Variants in TMOD3 observed in about 807,000 individuals in gnomAD.
The protein encoded by TMOD3 is tropomodulin-3.
In TMOD3, 20 loss-of-function variants were observed where a neutral mutation model predicts 39.2. The ratio of observed to expected loss-of-function variants is 0.51; its 90% confidence interval spans 0.36 to 0.74. The LOEUF (loss-of-function observed/expected upper bound fraction) is 0.74, where lower values mean the gene tolerates loss of function less well. TMOD3 is among the 30% of genes least tolerant of loss of function. The pLI is 0.00. For missense variants in TMOD3, 381 were observed against 412.8 expected (o/e 0.92, Z 0.67); for synonymous variants, 143 against 145.8 (o/e 0.98, Z 0.14).
intron 3 of TMOD3, among the ~76,000 whole-genome samples, chr15:51,880,125 A>T (rs895257406): frequency 6.6e-6 from 1 of 152,180 alleles, no homozygotes. Context: ...TTATTCCAGC[A>T]GTTTGCTAGT....
At chr15:51,845,513 TTGGGAGGCTGAGG>T (rs1178343706) in intron 1 of TMOD3, among the ~76,000 whole-genome samples, 1 of 152,124 alleles carries the variant, frequency 6.6e-6, no homozygotes, top group East Asian at 1.9e-4. Context: ...ATTCCGTACT[TTGGGAGGCTGAGG>T]TGGGAACATC....
chr15:51,871,040 C>CA lies in TMOD3; in HGVS notation c.283+1676dup, dbSNP rs543428130. Among the ~76,000 whole-genome samples, 227 of 149,262 alleles carry CA rather than the reference C, an allele frequency of 1.5e-3. 10 individuals carry two copies. Among genetic ancestry groups the CA allele is most frequent in the East Asian group, 0.01 (52 of 5,120 alleles). On this transcript the variant is annotated intron_variant, in intron 3 of 9. Coordinates refer to ENST00000308580, the MANE Select transcript of TMOD3 (RefSeq NM_014547.5). ...TGCTGATTTAAATTTTAATCTCATC[C>CA]AAAAAAAAAGCAAAAAACAAAAAAC... is the stretch of plus-strand genomic sequence containing the variant.
intron 1 of TMOD3, among the ~76,000 whole-genome samples, chr15:51,832,203 T>TTTTATATATATATATA (rs371264278): frequency 2.5e-5 from 2 of 79,350 alleles, no homozygotes; most frequent in East Asian, 3.4e-4. Flanking sequence ...AGAAAAAAAA[T>TTTTATATATATATATA]TATATATATA....
At chr15:51,851,322 G>A (rs1207113499) in intron 1 of TMOD3, among the ~76,000 whole-genome samples, 1 of 152,108 alleles carries the variant, frequency 6.6e-6, no homozygotes, top group African/African-American at 2.4e-5. Flanking sequence ...ATAAGAAACA[G>A]CAATTGTGTA....
intron 1 of TMOD3, among the ~76,000 whole-genome samples, chr15:51,847,219 A>G (rs115218511): frequency 6.6e-6 from 1 of 152,200 alleles, no homozygotes; most frequent in Non-Finnish European, 1.5e-5. Context: ...GCTACTTTCT[A>G]CTTTAAGGTA....
intron 3 of TMOD3, among the ~76,000 whole-genome samples, chr15:51,877,889 G>A (rs2056512859): frequency 6.6e-6 from 1 of 152,038 alleles, no homozygotes; most frequent in African/African-American, 2.4e-5. Flanking sequence ...TAAGCTTTCA[G>A]AAGTTTTTTT....
chr15:51,876,113 G>C (rs1184007406), intron 3 of TMOD3, among the ~76,000 whole-genome samples: 1 of 152,000 alleles, frequency 6.6e-6, no homozygotes, highest in Admixed American at 6.6e-5. Context: ...ATTTTGATTA[G>C]ATGTCATGGT....
At chr15:51,845,259 C>T (rs561709431) in intron 1 of TMOD3, among the ~76,000 whole-genome samples, 1 of 152,030 alleles carries the variant, frequency 6.6e-6, no homozygotes, top group African/African-American at 2.4e-5. Context: ...GATCTGTGCT[C>T]AGTGAAAAAA....
chr15:51,858,880 T>C (rs2141681194), intron 1 of TMOD3, among the ~76,000 whole-genome samples: 1 of 152,262 alleles, frequency 6.6e-6, no homozygotes, highest in Admixed American at 6.5e-5. Flanking sequence ...AATTAGAGAT[T>C]CGTGCATCAA....
chr15:51,843,707 A>G (rs1291710212), intron 1 of TMOD3, among the ~76,000 whole-genome samples: 10 of 152,186 alleles, frequency 6.6e-5, no homozygotes, highest in Admixed American at 6.5e-4. Flanking sequence ...AGGACTTTAG[A>G]AAGTTGTTTC....
intron 1 of TMOD3, among the ~76,000 whole-genome samples, chr15:51,830,959 T>A (rs1338191135): frequency 1.3e-5 from 2 of 152,226 alleles, no homozygotes; most frequent in Non-Finnish European, 2.9e-5. Flanking sequence ...TGTCCCAATA[T>A]ATTTTAATTC....
rs1167476019 is a variant in TMOD3 at position 51,897,482 on chromosome 15, AT to A, written c.735+976del. On this transcript the variant is annotated intron_variant, in intron 7 of 9. Transcript: ENST00000308580. ...TTGCTCAGGCAAACAAAAAAAAAAA[AT>A]TTTTTTTTTTTTTTTTTTTGAGACA... Among the ~76,000 whole-genome samples the A allele has an allele frequency of 4.5e-3, 511 of 113,036 alleles. 2 individuals carry two copies. Among genetic ancestry groups the A allele is most frequent in the East Asian group, 0.031 (118 of 3,818 alleles). 74.2% of individuals were successfully genotyped at this position (113,036 alleles called of 152,430 possible).
intron 3 of TMOD3, among the ~76,000 whole-genome samples, chr15:51,878,464 C>T (rs2056516866): frequency 6.6e-6 from 1 of 151,578 alleles, no homozygotes; most frequent in African/African-American, 2.4e-5. Flanking sequence ...TGGGTAAATT[C>T]TGTCCTTATT....
chr15:51,904,658 G>A (rs1225479703), intron 9 of TMOD3, among the ~76,000 whole-genome samples: 1 of 152,180 alleles, frequency 6.6e-6, no homozygotes, highest in East Asian at 1.9e-4. Context: ...CCTTTGCAAG[G>A]CTTCAGCAGT....
intron 3 of TMOD3, among the ~76,000 whole-genome samples, chr15:51,877,611 C>T (rs2470618): frequency 0.35 from 53,546 of 150,878 alleles, 10,015 homozygotes; most frequent in Admixed American, 0.43. Flanking sequence ...AACCGGAAGA[C>T]GGAGGTTGCA....
intron 3 of TMOD3, among the ~76,000 whole-genome samples, chr15:51,884,025 C>A (rs1249939725): frequency 6.6e-6 from 1 of 152,166 alleles, no homozygotes; most frequent in Non-Finnish European, 1.5e-5. Context: ...AAATTTGATA[C>A]TAAGATCGAT....
chr15:51,837,242 A>C (rs986612885), intron 1 of TMOD3, among the ~76,000 whole-genome samples: 12 of 152,120 alleles, frequency 7.9e-5, no homozygotes, highest in Admixed American at 3.3e-4. Context: ...TGTGGTGGTA[A>C]AACTTTGATG....
Position 51,862,832 on chromosome 15 carries a change from A to G in TMOD3, c.-53A>G, listed in dbSNP as rs1032855110. On this transcript the variant is annotated 5_prime_UTR_variant, in exon 2 of 10. Coordinates refer to ENST00000308580, the MANE Select transcript of TMOD3 (RefSeq NM_014547.5). ...ATAGCTTTAAGAAAAAGTAGAGATC[A>G]CTTCTGACTGTACTGAACAGCAAAA... is the stretch of plus-strand genomic sequence containing the variant. 6 of 1,528,128 alleles carry G rather than the reference A, an allele frequency of 3.9e-6. No individual in the cohort carries two copies. The highest frequency in any genetic ancestry group is 5.3e-6 in the Non-Finnish European group (6 of 1,140,654). The allele number at this position is 1,528,128 out of a possible 1,614,324, so 94.7% of individuals were successfully genotyped here.
At chr15:51,840,419 C>T (rs2056307554) in intron 1 of TMOD3, among the ~76,000 whole-genome samples, 1 of 152,110 alleles carries the variant, frequency 6.6e-6, no homozygotes, top group Non-Finnish European at 1.5e-5. Context: ...TGATCACATG[C>T]TCTGTGTTAG....
Sources: allele counts gnomAD v4.1 joint callset (sites outside exome capture counted in the v4.1 genomes callset), GRCh38; gene constraint gnomAD v4.1.1; transcripts MANE v1.5; gene names NCBI Gene and HGNC (gene_info 2026-07-23, HGNC 2026-07-21).